Variants in TENM1 observed in about 807,000 individuals in gnomAD.
TENM1 encodes the protein teneurin transmembrane protein 1.
Under a neutral mutation model 174.8 loss-of-function variants are expected in TENM1, and 35 were observed. The observed-to-expected ratio is 0.20, with a 90% CI of 0.15 to 0.27. The LOEUF is 0.27. Among genes scored for constraint, TENM1 ranks in the 10% least tolerant of loss-of-function variants. The pLI is 1.00. For synonymous variants in TENM1, 781 were observed against 798.7 expected, an observed-to-expected ratio of 0.98 and a Z score of 0.37; for missense variants, 1,633 against 2,130.1, an observed-to-expected ratio of 0.77 and a Z score of 4.59.
At chrX:125,092,561 T>C in the TENM1 span, among the ~76,000 whole-genome samples, 2 of 111,583 alleles carry the variant, frequency 1.8e-5, no homozygotes, top group East Asian at 2.8e-4. Context: ...TATCAAAAAA[T>C]GTAGATGATA....
At position 124,756,081 on chromosome X, in the gene TENM1, C is replaced by T. The variant is rs1457687221; in HGVS notation, c.536-18884G>A. Among the ~76,000 whole-genome samples the T allele has an allele frequency of 7.6e-3, 797 of 105,226 alleles. 10 individuals are homozygous for T. Among genetic ancestry groups the T allele is most frequent in the African/African-American group, 0.028 (755 of 26,541 alleles). The allele number at this position is 105,226 out of a possible 115,157, so 91.4% of individuals were successfully genotyped here. A position where few individuals can be genotyped will look rare whatever the true frequency, so the allele number is the denominator to read the frequency against. On this transcript the variant is annotated intron_variant, in intron 3 of 31. Coordinates refer to ENST00000422452, the Ensembl canonical transcript of TENM1. Reference sequence around the variant, plus strand: ...TTCTCCTGGATAATATCCTGCAGAGCATTTTCCAACTTGGTTCCATTCTCC... The same window carrying T: ...TTCTCCTGGATAATATCCTGCAGAGTATTTTCCAACTTGGTTCCATTCTCC...
intron 3 of TENM1, among the ~76,000 whole-genome samples, chrX:124,747,045 G>A (rs1449912607): frequency 9.2e-6 from 1 of 109,252 alleles, no homozygotes. Flanking sequence ...CTAGCTACTC[G>A]GGAGGCTGAG....
chrX:125,033,574 AGGAAG>A, the TENM1 span, among the ~76,000 whole-genome samples: 2 of 111,985 alleles, frequency 1.8e-5, no homozygotes, highest in Admixed American at 1.9e-4. Context: ...AAGTAGCAGG[AGGAAG>A]GGAAGGACAA....
chrX:125,164,467 G>A, the TENM1 span, among the ~76,000 whole-genome samples: 1 of 111,493 alleles, frequency 9.0e-6, no homozygotes, highest in South Asian at 3.8e-4. Context: ...TGTCTCAACT[G>A]CTCTACAAAG....
At chrX:124,628,208 T>C (rs999044599) in intron 11 of TENM1, among the ~76,000 whole-genome samples, 1 of 111,303 alleles carries the variant, frequency 9.0e-6, no homozygotes. Flanking sequence ...ATCCACTTTG[T>C]CAATAATTTC....
chrX:125,171,269 G>C, the TENM1 span, among the ~76,000 whole-genome samples: 2 of 105,043 alleles, frequency 1.9e-5, no homozygotes, highest in African/African-American at 6.9e-5. Flanking sequence ...TAAAGGTCCA[G>C]AAAAAAAAAA....
intron 3 of TENM1, among the ~76,000 whole-genome samples, chrX:124,820,343 A>C (rs2056012078): frequency 9.0e-6 from 1 of 111,105 alleles, no homozygotes; most frequent in African/African-American, 3.3e-5. Flanking sequence ...CCCACCACAG[A>C]TCTTCCATTT....
chrX:124,661,652 A>C lies in TENM1; in HGVS notation c.1169-7869T>G, dbSNP rs1187673100. On this transcript the variant is annotated intron_variant, in intron 6 of 31. Coordinates refer to ENST00000422452, the Ensembl canonical transcript of TENM1. ...CAGTTAATCCAGTTCCCTCTCCTTT[A>C]TTTTAGAATATAAGTCCCCAGAGGA... 2.7e-5 allele frequency among the ~76,000 whole-genome samples: 3 copies of C among 111,779 alleles called. No individual in the cohort carries two copies. In the East Asian group the frequency reaches 8.4e-4, roughly 31 times the overall value.
intron 23 of TENM1, among the ~76,000 whole-genome samples, chrX:124,446,137 A>C: frequency 8.9e-6 from 1 of 112,775 alleles, no homozygotes; most frequent in South Asian, 3.7e-4. Flanking sequence ...TCTGTGAATA[A>C]ACAGCATATT....
the TENM1 span, among the ~76,000 whole-genome samples, chrX:125,161,385 T>C: frequency 5.4e-5 from 6 of 112,148 alleles, no homozygotes; most frequent in South Asian, 7.3e-4. Flanking sequence ...CTGTTTTTTT[T>C]CTAATATTAT....
the TENM1 span, among the ~76,000 whole-genome samples, chrX:125,196,897 C>A: frequency 9.0e-6 from 1 of 111,469 alleles, no homozygotes; most frequent in African/African-American, 3.3e-5. Context: ...TTTCTAATTT[C>A]TCTGAACAAC....
intron 11 of TENM1, among the ~76,000 whole-genome samples, chrX:124,569,073 A>T (rs1430004880): frequency 1.8e-5 from 2 of 110,777 alleles, no homozygotes; most frequent in African/African-American, 6.6e-5. Context: ...GTGTGGTGGC[A>T]TGTGCCTACA....
intron 3 of TENM1, among the ~76,000 whole-genome samples, chrX:124,847,632 A>T (rs1269637397): frequency 8.9e-6 from 1 of 111,862 alleles, no homozygotes; most frequent in Non-Finnish European, 1.9e-5. Context: ...ATGTATTCTC[A>T]TTCAAAAGAG....
chrX:124,547,031 G>T, exon 15 of TENM1: 1 of 1,211,405 alleles, frequency 8.3e-7, no homozygotes, highest in Non-Finnish European at 1.1e-6. Context: ...TGGCAGAGAG[G>T]ACTTATATAA....
At chrX:124,788,148 G>T (rs907977067) in intron 3 of TENM1, among the ~76,000 whole-genome samples, 6 of 111,395 alleles carry the variant, frequency 5.4e-5, no homozygotes, top group African/African-American at 2.0e-4. Flanking sequence ...CCCACAACAC[G>T]TGGGAATTAT....
chrX:124,827,484 G>A lies in TENM1; in HGVS notation c.535+66812C>T, dbSNP rs903053133. Among the ~76,000 whole-genome samples the A allele has an allele frequency of 2.7e-5, 3 of 112,173 alleles. No homozygotes were observed. In the Admixed American group the frequency reaches 2.8e-4, roughly 11 times the overall value. ...CAAAGGGGCTTCTCATGCTAAACCT[G>A]GCAGGGAGTGAAAATGCCTTTATTT... On this transcript the variant is annotated intron_variant, in intron 3 of 31. Coordinates refer to ENST00000422452, the Ensembl canonical transcript of TENM1.
At chrX:124,394,976 A>C (rs2060318865) in intron 27 of TENM1, among the ~76,000 whole-genome samples, 1 of 111,754 alleles carries the variant, frequency 8.9e-6, no homozygotes, top group African/African-American at 3.3e-5. Context: ...TTTATAAGTA[A>C]ATATTTCCAT....
intron 1 of TENM1, among the ~76,000 whole-genome samples, chrX:124,949,311 T>G (rs2147776749): frequency 8.9e-6 from 1 of 112,110 alleles, no homozygotes; most frequent in Admixed American, 9.5e-5. Flanking sequence ...ACATCCTCAC[T>G]TTACATAAGT....
chrX:125,125,917 T>A, the TENM1 span, among the ~76,000 whole-genome samples: 2 of 112,318 alleles, frequency 1.8e-5, no homozygotes. Flanking sequence ...AAGATGTCAT[T>A]CAAATACTAT....
Sources: gnomAD v4.1 joint callset for allele counts (sites outside exome capture counted in the v4.1 genomes callset) on GRCh38, gnomAD v4.1.1 for gene constraint, MANE v1.5 for transcripts, NCBI Gene and HGNC (gene_info 2026-07-23, HGNC 2026-07-21) for gene names.